GLMN: variants seen among roughly 807,000 people sequenced by gnomAD.
GLMN encodes glomulin, FKBP associated protein, also known as glomulin.
In GLMN, 75 loss-of-function variants were observed where a neutral mutation model predicts 87.8. The ratio of observed to expected loss-of-function variants is 0.85; its 90% confidence interval spans 0.71 to 1.04. The LOEUF is 1.04. Among genes scored for constraint, GLMN ranks in the 50% least tolerant of loss-of-function variants. The pLI is 0.00. For synonymous variants in GLMN, 206 were observed against 221.6 expected (o/e 0.93, Z 0.63); for missense variants, 588 against 658.8 (o/e 0.89, Z 1.18).
At chr1:92,269,865 T>C in intron 8 of GLMN, 89 bp from the exon 9 acceptor site, 1 of 882,548 alleles carries the variant, frequency 1.1e-6, no homozygotes, top group South Asian at 1.4e-5. Flanking sequence ...GAATTGTATC[T>C]CCCCCAAAAA....
At chr1:92,291,686 G>A (rs2101044147) in intron 3 of GLMN, 149 bp from the exon 4 acceptor site, 1 of 763,264 alleles carries the variant, frequency 1.3e-6, no homozygotes, top group South Asian at 1.6e-5. Context: ...GACTTTCCAG[G>A]GTTGGCTACT....
At chr1:92,340,498 A>G in the GLMN span, among the ~76,000 whole-genome samples, 1 of 152,218 alleles carries the variant, frequency 6.6e-6, no homozygotes, top group Non-Finnish European at 1.5e-5. Flanking sequence ...GTGACAATCA[A>G]TAATAGGAAC....
At chr1:92,332,927 G>A in the GLMN span, among the ~76,000 whole-genome samples, 6 of 152,008 alleles carry the variant, frequency 3.9e-5, no homozygotes, top group Non-Finnish European at 8.8e-5. Flanking sequence ...AATGTGGATT[G>A]TTTTCCCCCA....
At chr1:92,288,099 T>C (rs996643004) in intron 6 of GLMN, among the ~76,000 whole-genome samples, 2 of 152,000 alleles carry the variant, frequency 1.3e-5, no homozygotes, top group African/African-American at 4.8e-5. Flanking sequence ...AAAGTATATC[T>C]GAATTTGGAC....
the GLMN span, among the ~76,000 whole-genome samples, chr1:92,310,392 G>T: frequency 6.6e-6 from 1 of 152,114 alleles, no homozygotes; most frequent in Non-Finnish European, 1.5e-5. Context: ...AAGCTCTACA[G>T]AAATGTGATA....
chr1:92,324,127 G>C, the GLMN span: 7 of 1,614,006 alleles, frequency 4.3e-6, no homozygotes, highest in Admixed American at 1.2e-4. Context: ...AGCCTCTCTG[G>C]TTAAAGAAGA....
chr1:92,261,320 T>G (rs1655018628), intron 16 of GLMN, among the ~76,000 whole-genome samples: 1 of 152,164 alleles, frequency 6.6e-6, no homozygotes, highest in Non-Finnish European at 1.5e-5. Context: ...AAATAAAGAG[T>G]ACTTTTCTTG....
In GLMN at chr1:92,247,070, G is replaced by T; in HGVS notation, c.1660C>A (p.Gln554Lys). ...EEIPNMPPEM[Q>K]LKVLHSALFT... ...AGAAAATTTCAGATCACCTTAAGCT[G>T]CATTTCAGGAGGCATATTAGGGATC... Residue 554 changes from glutamine (Q) to lysine (K), a missense_variant, in exon 18 of 19, where the codon CAG (glutamine) becomes AAG (lysine). Coordinates refer to ENST00000370360, the MANE Select transcript of GLMN (RefSeq NM_053274.3). The T allele has an allele frequency of 6.6e-7, 1 of 1,509,870 alleles. No individual in the cohort carries two copies. The highest frequency in any genetic ancestry group is 9.2e-7 in the Non-Finnish European group (1 of 1,086,216). The allele number at this position is 1,509,870 out of a possible 1,614,324, so 93.5% of individuals were successfully genotyped here.
intron 5 of GLMN, among the ~76,000 whole-genome samples, chr1:92,289,643 CT>C (rs1649172158): frequency 6.6e-6 from 1 of 152,284 alleles, no homozygotes; most frequent in South Asian, 2.1e-4. Flanking sequence ...GAAAAATAAC[CT>C]CTTCCTATGG....
chr1:92,320,579 T>A, the GLMN span: 1 of 1,607,938 alleles, frequency 6.2e-7, no homozygotes, highest in East Asian at 2.2e-5. Flanking sequence ...CTAATTTTTA[T>A]TTCTGTGTTC....
chr1:92,291,612 A>C, intron 3 of GLMN, 75 bp from the exon 4 acceptor site: 1 of 1,415,308 alleles, frequency 7.1e-7, no homozygotes. Flanking sequence ...CTATCTTGGA[A>C]GAGCTCAGAA....
the GLMN span, chr1:92,320,596 C>T: frequency 6.2e-7 from 1 of 1,610,662 alleles, no homozygotes; most frequent in Non-Finnish European, 8.5e-7. Context: ...GTTCTTATTA[C>T]AGGCATCCTG....
At chr1:92,323,989 G>A in the GLMN span, 1 of 1,614,092 alleles carries the variant, frequency 6.2e-7, no homozygotes, top group Non-Finnish European at 8.5e-7. Flanking sequence ...TTCAGTGCAG[G>A]TGTGTCCTGA....
At chr1:92,292,360 T>G (rs922479318) in intron 3 of GLMN, among the ~76,000 whole-genome samples, 1 of 152,126 alleles carries the variant, frequency 6.6e-6, no homozygotes, top group Non-Finnish European at 1.5e-5. Flanking sequence ...GAGACCAGCC[T>G]GGGCAACCTA....
At chr1:92,297,124 T>TC (rs1650172130) in intron 3 of GLMN, among the ~76,000 whole-genome samples, 1 of 150,912 alleles carries the variant, frequency 6.6e-6, no homozygotes, top group Non-Finnish European at 1.5e-5. Context: ...TCTTTTTTTT[T>TC]TTTTTTTTTC....
chr1:92,323,870 G>A, the GLMN span: 2 of 1,614,008 alleles, frequency 1.2e-6, no homozygotes, highest in Non-Finnish European at 1.7e-6. Flanking sequence ...AATTCTGAAA[G>A]TGAATACAGT....
At chr1:92,342,861 T>G in the GLMN span, among the ~76,000 whole-genome samples, 1 of 152,058 alleles carries the variant, frequency 6.6e-6, no homozygotes, top group African/African-American at 2.4e-5. Flanking sequence ...CACACCATCC[T>G]TAGTTTTGGG....
the GLMN span, chr1:92,307,428 A>G: frequency 8.9e-6 from 5 of 561,424 alleles, no homozygotes; most frequent in Non-Finnish European, 1.5e-5. Context: ...AAGCATAGCT[A>G]TTAAGGATTT....
chr1:92,255,943 A>C (rs1654174493), intron 16 of GLMN, among the ~76,000 whole-genome samples: 2 of 152,108 alleles, frequency 1.3e-5, no homozygotes, highest in Non-Finnish European at 2.9e-5. Context: ...GACGCAAAAA[A>C]CCCTTCAAAA....
Sources: gnomAD v4.1 joint callset for allele counts (sites outside exome capture counted in the v4.1 genomes callset) on GRCh38, gnomAD v4.1.1 for gene constraint, MANE v1.5 for transcripts, NCBI Gene and HGNC (gene_info 2026-07-23, HGNC 2026-07-21) for gene names.